CDK5RAP2: variants seen among roughly 807,000 people sequenced by gnomAD.
CDK5RAP2 encodes the protein CDK5 regulatory subunit associated protein 2.
In CDK5RAP2, 147 loss-of-function variants were observed where a neutral mutation model predicts 232.9. The ratio of observed to expected loss-of-function variants is 0.63; its 90% CI spans 0.55 to 0.72. The LOEUF (loss-of-function observed/expected upper bound fraction) is 0.72. Ranked by LOEUF, CDK5RAP2 falls within the 30% of genes least tolerant of loss-of-function variation. The probability of loss-of-function intolerance (pLI) is 0.00; values close to 1 mark genes in which losing one functional copy is unlikely to be tolerated. For missense variants in CDK5RAP2, 2,195 were observed against 2,231.5 expected (o/e 0.98, Z 0.33); for synonymous variants, 833 against 833.7 (o/e 1.00, Z 0.01).
At chr9:120,559,611 A>G (rs1185449047) in intron 3 of CDK5RAP2, among the ~76,000 whole-genome samples, 2 of 151,884 alleles carry the variant, frequency 1.3e-5, no homozygotes, top group Non-Finnish European at 2.9e-5. Flanking sequence ...AAAACTGAAA[A>G]CAGCTTACAA....
intron 3 of CDK5RAP2, among the ~76,000 whole-genome samples, chr9:120,568,108 C>A (rs77084492): frequency 6.6e-5 from 10 of 152,332 alleles, no homozygotes; most frequent in Non-Finnish European, 1.5e-4. Flanking sequence ...TTGAAAACTG[C>A]TGATCCCGTC....
intron 5 of CDK5RAP2, among the ~76,000 whole-genome samples, chr9:120,542,473 G>C (rs113760883): frequency 8.9e-5 from 13 of 146,140 alleles, no homozygotes; most frequent in Non-Finnish European, 1.8e-4. Flanking sequence ...TCCAGCCTGA[G>C]CAACAGAGCG....
At chr9:120,507,931 AAAAAAAAAAAAATAT>A (rs1240429852) in intron 12 of CDK5RAP2, among the ~76,000 whole-genome samples, 6 of 73,378 alleles carry the variant, frequency 8.2e-5, no homozygotes, top group African/African-American at 1.7e-4. Flanking sequence ...AAAAAAAAAA[AAAAAAAAAAAAATAT>A]ATATATATAT....
In CDK5RAP2 at chr9:120,415,067, C is replaced by A. The variant is rs779258394; in HGVS notation, c.4270G>T (p.Glu1424Ter). The change falls in exon 28 of 38, where the codon GAA (glutamate) becomes TAA (stop). Residue 1424 changes from glutamate to a stop codon, truncating the protein, a stop_gained. Coordinates refer to ENST00000349780, the MANE Select transcript of CDK5RAP2 (RefSeq NM_018249.6). LOFTEE classifies it high-confidence loss of function. ...KTNEKLRKQLERQGSEFVQGS... is the reference protein window; with the variant it reads ...KTNEKLRKQL ...TGAACAAATTCAGATCCTTGCCGTT[C>A]CAACTGTTTCCGTAGCTTCTCATTT... 1 of 1,614,186 alleles carries A rather than the reference C, an allele frequency of 6.2e-7. No homozygotes were observed. The highest frequency in any genetic ancestry group is 8.5e-7 in the Non-Finnish European group (1 of 1,180,010).
chr9:120,563,280 T>G (rs1298560977), intron 3 of CDK5RAP2, among the ~76,000 whole-genome samples: 1 of 152,112 alleles, frequency 6.6e-6, no homozygotes, highest in Non-Finnish European at 1.5e-5. Flanking sequence ...CAGCAGCCTG[T>G]GTGGCTAGAG....
At chr9:120,483,822 C>T (rs1256935136) in intron 14 of CDK5RAP2, among the ~76,000 whole-genome samples, 1 of 152,182 alleles carries the variant, frequency 6.6e-6, no homozygotes, top group Non-Finnish European at 1.5e-5. Context: ...ATGTAATGTG[C>T]AGACCACATC....
chr9:120,468,145 G>A, intron 17 of CDK5RAP2, 148 bp from the exon 18 acceptor site: 1 of 728,834 alleles, frequency 1.4e-6, no homozygotes, highest in Non-Finnish European at 2.4e-6. Context: ...GATACCCTGT[G>A]CACAGTGACA....
intron 25 of CDK5RAP2, among the ~76,000 whole-genome samples, chr9:120,424,610 C>A (rs752661098): frequency 7.2e-5 from 11 of 152,160 alleles, no homozygotes; most frequent in Non-Finnish European, 1.3e-4. Flanking sequence ...ACCATCAGTG[C>A]CAGCCCAGCC....
In CDK5RAP2 at chr9:120,415,218, T is replaced by C. The variant is rs1166720547; in HGVS notation, c.4178-59A>G. 3.5e-5 allele frequency: 56 copies of C among 1,584,992 alleles called. 1 individual carries two copies. The East Asian group carries it at 1.2e-3, about 34-fold the overall frequency. The stretch of plus-strand genomic sequence containing the variant: ...TGAACCCCCAACAAATTGAATAATT[T>C]ATGGATTATGCAGGGATCCTGAAAT... On this transcript the variant is annotated intron_variant, in intron 27 of 37. Coordinates refer to ENST00000349780, the MANE Select transcript of CDK5RAP2 (RefSeq NM_018249.6).
chr9:120,578,669 C>T (rs1189404807), intron 1 of CDK5RAP2, among the ~76,000 whole-genome samples: 1 of 151,748 alleles, frequency 6.6e-6, no homozygotes, highest in Non-Finnish European at 1.5e-5. Flanking sequence ...CGGGCTCATG[C>T]AATCCTCCTG....
At chr9:120,472,625 T>C (rs182733766) in intron 15 of CDK5RAP2, among the ~76,000 whole-genome samples, 2 of 152,266 alleles carry the variant, frequency 1.3e-5, no homozygotes, top group Non-Finnish European at 2.9e-5. Flanking sequence ...CTGTGGTGGG[T>C]GAACCACTCA....
At chr9:120,389,973 C>G in intron 36 of CDK5RAP2, 186 bp from the exon 37 acceptor site, 2 of 635,746 alleles carry the variant, frequency 3.1e-6, no homozygotes, top group South Asian at 3.4e-5. Context: ...AACCCCAGGG[C>G]CAAATAACGC....
At chr9:120,506,586 G>T (rs565197397) in intron 12 of CDK5RAP2, among the ~76,000 whole-genome samples, 1 of 152,334 alleles carries the variant, frequency 6.6e-6, no homozygotes, top group African/African-American at 2.4e-5. Flanking sequence ...GAACATTTGT[G>T]ATTCATGAGA....
intron 35 of CDK5RAP2, among the ~76,000 whole-genome samples, chr9:120,399,307 G>C (rs2032786351): frequency 6.6e-6 from 1 of 152,146 alleles, no homozygotes; most frequent in Admixed American, 6.5e-5. Context: ...AGGGTCAACT[G>C]TTCAGTTCAG....
At chr9:120,422,811 G>T (rs1228139663) in intron 25 of CDK5RAP2, 70 bp from the exon 26 acceptor site, 2 of 1,149,434 alleles carry the variant, frequency 1.7e-6, no homozygotes, top group Non-Finnish European at 2.6e-6. Context: ...ATAATTTCCT[G>T]CTCATACATT....
chr9:120,555,123 G>A (rs1436188600), intron 3 of CDK5RAP2, among the ~76,000 whole-genome samples: 1 of 129,810 alleles, frequency 7.7e-6, no homozygotes, highest in African/African-American at 2.8e-5. Flanking sequence ...TATTAGAATG[G>A]CTAAATTTTT....
intron 37 of CDK5RAP2, among the ~76,000 whole-genome samples, 192 bp from the exon 38 acceptor site, chr9:120,389,484 A>G (rs2031716835): frequency 6.6e-6 from 1 of 152,250 alleles, no homozygotes; most frequent in South Asian, 2.1e-4. Flanking sequence ...TATTCATCAA[A>G]TGCCTACTAT....
intron 26 of CDK5RAP2, among the ~76,000 whole-genome samples, chr9:120,422,297 T>G (rs1448805740): frequency 6.6e-6 from 1 of 151,970 alleles, no homozygotes; most frequent in East Asian, 1.9e-4. Flanking sequence ...CAAATAGGAC[T>G]AAAACATGGG....
At chr9:120,545,895 T>C in intron 4 of CDK5RAP2, 105 bp from the exon 5 acceptor site, 1 of 875,842 alleles carries the variant, frequency 1.1e-6, no homozygotes, top group Non-Finnish European at 1.9e-6. Flanking sequence ...ACAGGATGCT[T>C]GTAATAGGCA....
Sources: gnomAD v4.1 joint callset for allele counts (sites outside exome capture counted in the v4.1 genomes callset) on GRCh38, gnomAD v4.1.1 for gene constraint, MANE v1.5 for transcripts, NCBI Gene and HGNC (gene_info 2026-07-23, HGNC 2026-07-21) for gene names.